Variants in SYNGR1 observed in about 807,000 individuals in gnomAD.
SYNGR1 encodes synaptogyrin 1.
In SYNGR1, 14 loss-of-function variants were observed where a neutral mutation model predicts 26.1. That is an observed-to-expected ratio of 0.54 (90% confidence interval 0.35 to 0.84). The LOEUF is 0.84. SYNGR1 is among the 40% of genes least tolerant of loss of function. The pLI is 0.01. For synonymous variants in SYNGR1, 141 were observed against 150.1 expected (o/e 0.94, Z 0.44); for missense variants, 319 against 332.9 (o/e 0.96, Z 0.33).
At chr22:39,359,335 C>T (rs1457347666) in intron 1 of SYNGR1, among the ~76,000 whole-genome samples, 3 of 152,034 alleles carry the variant, frequency 2.0e-5, no homozygotes, top group African/African-American at 7.2e-5. Flanking sequence ...AAAGATGCCC[C>T]CCCAGGCCGG....
At position 39,384,339 on chromosome 22, in the gene SYNGR1, GCCAC is replaced by G; in HGVS notation, c.*2428_*2431del. On this transcript the variant is annotated 3_prime_UTR_variant, in exon 4 of 4. Transcript: ENST00000328933. ...TGGGTGTTTGTGACAGGCCCTGCCT[GCCAC>G]CCTAGGCAGGGAAAGCTGTCAAGAC... The G allele has an allele frequency of 2.5e-6, 1 of 396,000 alleles. No homozygotes were observed. Among genetic ancestry groups the G allele is most frequent in the Non-Finnish European group, 4.4e-6 (1 of 224,846 alleles). 24.5% of individuals were successfully genotyped at this position (396,000 alleles called of 1,614,324 possible).
intron 1 of SYNGR1, among the ~76,000 whole-genome samples, chr22:39,366,142 T>G (rs1306769526): frequency 1.3e-5 from 2 of 151,506 alleles, no homozygotes; most frequent in African/African-American, 4.8e-5. Flanking sequence ...TTTTTGTATT[T>G]TTAGTAGAGA....
intron 1 of SYNGR1, among the ~76,000 whole-genome samples, chr22:39,373,578 G>A (rs956571351): frequency 6.6e-6 from 1 of 152,096 alleles, no homozygotes; most frequent in African/African-American, 2.4e-5. Context: ...CACCTCCTGG[G>A]CTCAAGAGAT....
Position 39,385,164 on chromosome 22 carries a change from G to A in SYNGR1, c.*3250G>A, listed in dbSNP as rs1925621175. 2 of 396,676 alleles carry A rather than the reference G, an allele frequency of 5.0e-6. No individual in the cohort carries two copies. Among genetic ancestry groups the A allele is most frequent in the Non-Finnish European group, 4.4e-6 (1 of 225,130 alleles). 24.6% of individuals were successfully genotyped at this position (396,676 alleles called of 1,614,324 possible). ...TTTGATTCTCTAAGGAGCACGAAAG[G>A]GGGAATGCCCCTCCCAGGAGTTTAT... On this transcript the variant is annotated 3_prime_UTR_variant, in exon 4 of 4. Coordinates refer to ENST00000328933, the MANE Select transcript of SYNGR1 (RefSeq NM_004711.5).
At chr22:39,358,595 A>G (rs934314767) in intron 1 of SYNGR1, among the ~76,000 whole-genome samples, 1 of 152,020 alleles carries the variant, frequency 6.6e-6, no homozygotes, top group African/African-American at 2.4e-5. Flanking sequence ...TGTAACACTC[A>G]CCGCGAAGGT....
In SYNGR1 at chr22:39,381,678, G is replaced by A. The variant is rs1925501906; in HGVS notation, c.484-18G>A. On this transcript the variant is annotated intron_variant, in intron 3 of 3. Coordinates refer to ENST00000328933, the MANE Select transcript of SYNGR1 (RefSeq NM_004711.5). ...CCCCCTCCCGCCTGTCCTTGTCCTCGCCGGCCTTTGTCCCCAGGCGGGCCA... is the reference window on the plus strand; with the variant it reads ...CCCCCTCCCGCCTGTCCTTGTCCTCACCGGCCTTTGTCCCCAGGCGGGCCA... 3 of 1,612,692 alleles carry A rather than the reference G, an allele frequency of 1.9e-6. No individual in the cohort carries two copies. The highest frequency in any genetic ancestry group is 2.2e-5 in the East Asian group (1 of 44,882).
chr22:39,360,569 C>T (rs993674751), intron 1 of SYNGR1, among the ~76,000 whole-genome samples: 1 of 152,146 alleles, frequency 6.6e-6, no homozygotes, highest in Non-Finnish European at 1.5e-5. Context: ...AGAATGTGGA[C>T]GCCCTCACCC....
chr22:39,374,695 A>C (rs966205771), intron 2 of SYNGR1, 142 bp downstream of exon 2: 9 of 889,668 alleles, frequency 1.0e-5, no homozygotes, highest in Non-Finnish European at 1.6e-5. Context: ...TCAGGGTCAC[A>C]TGGCTGGCAG....
Position 39,382,462 on chromosome 22 carries a change from G to A in SYNGR1, c.*548G>A, listed in dbSNP as rs796891277. 4 of 171,418 alleles carry A rather than the reference G, an allele frequency of 2.3e-5. No individual in the cohort carries two copies. Among genetic ancestry groups the A allele is most frequent in the African/African-American group, 9.5e-5 (4 of 42,318 alleles). The allele number at this position is 171,418 out of a possible 1,614,324, so 10.6% of individuals were successfully genotyped here. A position where few individuals can be genotyped will look rare whatever the true frequency, so the allele number is the denominator to read the frequency against. On this transcript the variant is annotated 3_prime_UTR_variant, in exon 4 of 4. Transcript: ENST00000328933. ...GGGCCGTCTCCATTTTATGGTTGAG[G>A]AAACTGAGGTCTAGAGAGGTCAAGA...
intron 1 of SYNGR1, among the ~76,000 whole-genome samples, chr22:39,369,180 A>G (rs1924906210): frequency 6.6e-6 from 1 of 152,234 alleles, no homozygotes; most frequent in South Asian, 2.1e-4. Context: ...CAGGTTCCCA[A>G]CCTGACAGTT....
In SYNGR1 at chr22:39,350,163, CA is replaced by C; in HGVS notation, c.99+57del. 7.8e-7 allele frequency: 1 copy of C among 1,278,006 alleles called. No individual in the cohort carries two copies. The highest frequency in any genetic ancestry group is 1.0e-6 in the Non-Finnish European group (1 of 983,958). The allele number at this position is 1,278,006 out of a possible 1,614,324, so 79.2% of individuals were successfully genotyped here. On this transcript the variant is annotated intron_variant, in intron 1 of 3. Transcript: ENST00000328933. This position sits in a 1 kb window ranked among gnomAD's most constrained non-coding sequence, Gnocchi z 4.3. ...CAGGCCGGGGTGGTGGGGGTGTGAG[CA>C]AAGGCGGCGCGCCCGGACCGACCCC...
Position 39,349,998 on chromosome 22 carries a change from G to A in SYNGR1, c.-13G>A, listed in dbSNP as rs750754347. On this transcript the variant is annotated 5_prime_UTR_variant, in exon 1 of 4. Coordinates refer to ENST00000328933, the MANE Select transcript of SYNGR1 (RefSeq NM_004711.5). ...GCGCGCCGAGCGGGGGGCACCGCGC[G>A]GGTGCAGCCACGATGGAAGGGGGTG... 1.7e-6 allele frequency: 2 copies of A among 1,204,530 alleles called. No homozygotes were observed. The highest frequency in any genetic ancestry group is 6.3e-5 in the Admixed American group (2 of 31,506). The allele number at this position is 1,204,530 out of a possible 1,614,324, so 74.6% of individuals were successfully genotyped here.
chr22:39,358,672 C>T (rs1297940436), intron 1 of SYNGR1, among the ~76,000 whole-genome samples: 10 of 152,226 alleles, frequency 6.6e-5, no homozygotes, highest in African/African-American at 2.4e-4. Context: ...CGGACACATC[C>T]GAACATCAGA....
At chr22:39,375,647 A>C (rs1925244365) in intron 2 of SYNGR1, 1 of 513,842 alleles carries the variant, frequency 1.9e-6, no homozygotes, top group Non-Finnish European at 3.4e-6. Flanking sequence ...GCAGAGTTGC[A>C]GGCATCAGGG....
intron 1 of SYNGR1, among the ~76,000 whole-genome samples, chr22:39,361,479 TC>T (rs1447285228): frequency 2.7e-5 from 4 of 148,978 alleles, no homozygotes; most frequent in Non-Finnish European, 5.9e-5. Flanking sequence ...TGCCTCAGCC[TC>T]CCAAGTAGCT....
At chr22:39,366,747 T>C (rs569600768) in intron 1 of SYNGR1, among the ~76,000 whole-genome samples, 1 of 152,316 alleles carries the variant, frequency 6.6e-6, no homozygotes, top group Non-Finnish European at 1.5e-5. Context: ...GTAGCTCCTG[T>C]CTGGGCTGCT....
chr22:39,375,906 C>T, intron 2 of SYNGR1, 146 bp from the exon 3 acceptor site: 1 of 1,077,362 alleles, frequency 9.3e-7, no homozygotes, highest in South Asian at 1.3e-5. Flanking sequence ...TCCCCTACCC[C>T]CTTTGCCTGT....
intron 1 of SYNGR1, among the ~76,000 whole-genome samples, chr22:39,358,899 G>A (rs1377275946): frequency 6.6e-6 from 1 of 152,266 alleles, no homozygotes; most frequent in Non-Finnish European, 1.5e-5. Flanking sequence ...CCCCGCTGCT[G>A]GTGGAGCAGG....
At chr22:39,352,356 G>T (rs1923943664) in intron 1 of SYNGR1, among the ~76,000 whole-genome samples, 1 of 152,188 alleles carries the variant, frequency 6.6e-6, no homozygotes, top group African/African-American at 2.4e-5. Flanking sequence ...CCTGATCAGA[G>T]TAATACCTGC....
Sources: allele counts gnomAD v4.1 joint callset (sites outside exome capture counted in the v4.1 genomes callset), GRCh38; gene constraint gnomAD v4.1.1; non-coding constraint Gnocchi (gnomAD v3.1); transcripts MANE v1.5; gene names NCBI Gene and HGNC (gene_info 2026-07-23, HGNC 2026-07-21).